Variants in OCA2 observed in about 807,000 individuals in gnomAD.
The protein encoded by OCA2 is OCA2 melanosomal transmembrane protein.
OCA2 carries 77 observed loss-of-function variants against 100.2 expected under a neutral mutation model. The observed-to-expected ratio is 0.77, with a 90% CI of 0.64 to 0.93. OCA2 has a LOEUF of 0.93. OCA2 is among the 40% of genes least tolerant of loss of function. The pLI, the probability that OCA2 is intolerant of heterozygous loss-of-function variation, is 0.00. For missense variants in OCA2, 1,062 were observed against 1,089.1 expected (o/e 0.98, Z 0.35); for synonymous variants, 432 against 439.2 (o/e 0.98, Z 0.21).
chr15:28,047,408 A>G lies in OCA2; in HGVS notation c.228-15245T>C, dbSNP rs540364399. 1.2e-4 allele frequency among the ~76,000 whole-genome samples: 19 copies of G among 152,304 alleles called. No homozygotes were observed. In the South Asian group the frequency reaches 3.9e-3, roughly 32 times the overall value. On this transcript the variant is annotated intron_variant, in intron 2 of 23. Coordinates refer to ENST00000354638, the MANE Select transcript of OCA2 (RefSeq NM_000275.3). ...CTTGGCATGATTATCTGTCCATGGC[A>G]CCATCCTTTGAACATTGTCAACTTC... is the stretch of plus-strand genomic sequence containing the variant.
chr15:27,785,122 T>A (rs1369499943), intron 23 of OCA2, among the ~76,000 whole-genome samples: 2 of 152,004 alleles, frequency 1.3e-5, no homozygotes, highest in Non-Finnish European at 2.9e-5. Context: ...AGATGATAAT[T>A]ATGGAAAACT....
intron 23 of OCA2, among the ~76,000 whole-genome samples, chr15:27,820,851 G>GTCT (rs2034475470): frequency 6.6e-6 from 1 of 152,092 alleles, no homozygotes; most frequent in Admixed American, 6.6e-5. Context: ...GACTGTAAGT[G>GTCT]GCAATTTGCC....
downstream of OCA2, among the ~76,000 whole-genome samples, chr15:27,753,669 G>T (rs1038212732): frequency 4.6e-5 from 7 of 151,904 alleles, no homozygotes; most frequent in African/African-American, 1.7e-4. Context: ...CCCGGGAGGC[G>T]GAGCTGGCAG....
At chr15:27,874,459 T>C (rs2036707350) in intron 19 of OCA2, among the ~76,000 whole-genome samples, 1 of 152,102 alleles carries the variant, frequency 6.6e-6, no homozygotes, top group Non-Finnish European at 1.5e-5. Context: ...GAGGAAAGCA[T>C]CCCGCCTGCA....
intron 1 of OCA2, among the ~76,000 whole-genome samples, chr15:28,087,172 G>A (rs2044789934): frequency 6.6e-6 from 1 of 151,992 alleles, no homozygotes; most frequent in Non-Finnish European, 1.5e-5. Context: ...CAAAGAAAAA[G>A]TCTTAAAGAG....
intron 19 of OCA2, among the ~76,000 whole-genome samples, chr15:27,897,915 G>A (rs185699239): frequency 2.0e-5 from 3 of 152,328 alleles, no homozygotes; most frequent in South Asian, 2.1e-4. Flanking sequence ...AGCATGACCC[G>A]GATGTGGGAC....
In OCA2 at chr15:28,037,270, G is replaced by A. The variant is rs1056730329; in HGVS notation, c.228-5107C>T. ...TAAATCAAGCAGAAGTCAGAGGGCA[G>A]GAAGGCAGCTGGTGGTCCCTCTACA... is the stretch of plus-strand genomic sequence containing the variant. On this transcript the variant is annotated intron_variant, in intron 2 of 23. Coordinates refer to ENST00000354638, the MANE Select transcript of OCA2 (RefSeq NM_000275.3). 9.2e-5 allele frequency among the ~76,000 whole-genome samples: 14 copies of A among 151,974 alleles called. 1 individual carries two copies. Among genetic ancestry groups the A allele is most frequent in the Admixed American group, 9.2e-4 (14 of 15,284 alleles).
intron 23 of OCA2, among the ~76,000 whole-genome samples, chr15:27,800,284 G>GA (rs2033539059): frequency 1.3e-5 from 2 of 151,392 alleles, no homozygotes; most frequent in African/African-American, 4.9e-5. Context: ...GCTTCCATCT[G>GA]AAAAAACTGG....
At chr15:28,036,311 G>C (rs952533313) in intron 2 of OCA2, among the ~76,000 whole-genome samples, 1 of 152,142 alleles carries the variant, frequency 6.6e-6, no homozygotes, top group African/African-American at 2.4e-5. Context: ...CTAGACGTGA[G>C]GTCACTGGAT....
intron 23 of OCA2, among the ~76,000 whole-genome samples, chr15:27,774,027 G>A (rs1328224469): frequency 6.6e-6 from 1 of 152,046 alleles, no homozygotes; most frequent in African/African-American, 2.4e-5. Flanking sequence ...CTGTTTCTAT[G>A]GTTTTTTTTC....
Position 28,032,065 on chromosome 15 carries a change from C to G in OCA2, c.326G>C (p.Gly109Ala), listed in dbSNP as rs1352327430. Residue 109 changes from glycine (G) to alanine (A), a missense_variant and splice_region_variant, in exon 3 of 24, where the codon GGG becomes GCG. By Grantham distance (60) the Gly-to-Ala change is moderately conservative. Coordinates refer to ENST00000354638, the MANE Select transcript of OCA2 (RefSeq NM_000275.3). ...TCATATGAGGGGGAAAATATCTCAC[C>G]CTTTCTCCTGTAAGGAATTCCTCAG... ...PLLRNSLQEK[G>A]SRCIPVYHPE... The G allele has an allele frequency of 6.2e-7, 1 of 1,608,982 alleles. No individual in the cohort carries two copies. The highest frequency in any genetic ancestry group is 1.7e-5 in the Admixed American group (1 of 60,018).
At chr15:27,802,664 A>G (rs2033662608) in intron 23 of OCA2, among the ~76,000 whole-genome samples, 1 of 152,188 alleles carries the variant, frequency 6.6e-6, no homozygotes. Context: ...AAAAGCAAAA[A>G]TAATCATTTT....
chr15:27,747,294 T>C, the OCA2 span, among the ~76,000 whole-genome samples: 1 of 152,186 alleles, frequency 6.6e-6, no homozygotes, highest in Non-Finnish European at 1.5e-5. Flanking sequence ...GCACAACAAA[T>C]GTCCTGCAGA....
intron 23 of OCA2, among the ~76,000 whole-genome samples, chr15:27,780,692 C>T (rs1464255212): frequency 1.3e-5 from 2 of 152,178 alleles, no homozygotes; most frequent in African/African-American, 2.4e-5. Context: ...GGATATATTA[C>T]GCAGTGTTTT....
intron 23 of OCA2, among the ~76,000 whole-genome samples, chr15:27,835,047 A>G (rs546256901): frequency 1.3e-5 from 2 of 152,320 alleles, no homozygotes; most frequent in South Asian, 4.1e-4. Flanking sequence ...AGATCAGTCT[A>G]TGATCCAACA....
At chr15:28,098,948 C>G (rs1249021270) in intron 1 of OCA2, among the ~76,000 whole-genome samples, 1 of 152,240 alleles carries the variant, frequency 6.6e-6, no homozygotes, top group Admixed American at 6.5e-5. Context: ...TCCCCCCACC[C>G]ATGACCTCAT....
chr15:27,842,826 GCA>G (rs139557964), intron 23 of OCA2, among the ~76,000 whole-genome samples: 7 of 137,232 alleles, frequency 5.1e-5, no homozygotes, highest in Admixed American at 7.0e-5. Context: ...CTGCACACAC[GCA>G]CACACACACA....
chr15:27,980,858 T>G (rs1207490225), intron 14 of OCA2, among the ~76,000 whole-genome samples: 1 of 152,254 alleles, frequency 6.6e-6, no homozygotes, highest in East Asian at 1.9e-4. Context: ...TACTGTAGTA[T>G]TCTACGTGTT....
At chr15:27,800,656 T>G (rs985861518) in intron 23 of OCA2, among the ~76,000 whole-genome samples, 2 of 152,124 alleles carry the variant, frequency 1.3e-5, no homozygotes, top group Non-Finnish European at 2.9e-5. Flanking sequence ...ATAACAGGAA[T>G]AGCCCTGTTA....
Sources: allele counts gnomAD v4.1 joint callset (sites outside exome capture counted in the v4.1 genomes callset), GRCh38; gene constraint gnomAD v4.1.1; transcripts MANE v1.5; gene names NCBI Gene and HGNC (gene_info 2026-07-23, HGNC 2026-07-21).